Variants in TNFSF4 observed in about 807,000 individuals in gnomAD.
TNFSF4 encodes the protein tumor necrosis factor ligand superfamily member 4.
TNFSF4 carries 4 observed loss-of-function variants against 7.3 expected under a neutral mutation model. The observed-to-expected ratio is 0.55, with a 90% CI of 0.27 to 1.25. The LOEUF is 1.25. Among genes scored for constraint, TNFSF4 ranks in the 50% most tolerant of loss-of-function variants. The probability of loss-of-function intolerance (pLI) is 0.12; values close to 1 mark genes in which losing one functional copy is unlikely to be tolerated. For missense variants in TNFSF4, 181 were observed against 208.8 expected (o/e 0.87, Z 0.82); for synonymous variants, 76 against 83.7 (o/e 0.91, Z 0.50).
rs1315249179 is a variant in TNFSF4, at chr1:173,185,353, G to A, written c.*1163C>T. The A allele has an allele frequency of 2.6e-5, 4 of 152,146 alleles. No individual in the cohort carries two copies. The highest frequency in any genetic ancestry group is 5.9e-5 in the Non-Finnish European group (4 of 68,030). The allele number at this position is 152,146 out of a possible 1,614,324, so 9.4% of individuals were successfully genotyped here. On this transcript the variant is annotated 3_prime_UTR_variant, in exon 3 of 3. Coordinates refer to ENST00000281834, the MANE Select transcript of TNFSF4 (RefSeq NM_003326.5). ...GGGACATTTCAACTAAACATAAGGGGATACTATTCCATTGAAGCCCTGGCA... is the reference window on the plus strand; with the variant it reads ...GGGACATTTCAACTAAACATAAGGGAATACTATTCCATTGAAGCCCTGGCA...
chr1:173,378,834 G>A, the TNFSF4 span, among the ~76,000 whole-genome samples: 4 of 150,820 alleles, frequency 2.7e-5, no homozygotes, highest in Admixed American at 6.6e-5. Context: ...CCGCCCATAA[G>A]GAAATAAGCA....
chr1:173,299,699 G>C, the TNFSF4 span, among the ~76,000 whole-genome samples: 1 of 151,864 alleles, frequency 6.6e-6, no homozygotes, highest in African/African-American at 2.4e-5. Context: ...TGATGCATAA[G>C]AGTTATTTTT....
At chr1:173,412,898 A>G in the TNFSF4 span, among the ~76,000 whole-genome samples, 6 of 152,308 alleles carry the variant, frequency 3.9e-5, no homozygotes, top group Admixed American at 6.5e-5. Context: ...ACACTTTGCA[A>G]CAGATAAGTT....
the TNFSF4 span, among the ~76,000 whole-genome samples, chr1:173,426,746 C>T: frequency 2.0e-5 from 3 of 152,170 alleles, no homozygotes; most frequent in African/African-American, 7.2e-5. Context: ...GTACGCACCA[C>T]CACACCCAGC....
At chr1:173,270,322 G>C in the TNFSF4 span, among the ~76,000 whole-genome samples, 1 of 152,142 alleles carries the variant, frequency 6.6e-6, no homozygotes, top group Admixed American at 6.6e-5. Context: ...GGAATTGCTA[G>C]TGTAAAGGTG....
At chr1:173,393,971 AATTTC>A in the TNFSF4 span, among the ~76,000 whole-genome samples, 41 of 152,228 alleles carry the variant, frequency 2.7e-4, no homozygotes, top group Non-Finnish European at 5.3e-4. Context: ...AGTTTTATTT[AATTTC>A]ATGCCATTTT....
At chr1:173,305,911 G>T in the TNFSF4 span, among the ~76,000 whole-genome samples, 1 of 151,774 alleles carries the variant, frequency 6.6e-6, no homozygotes, top group Non-Finnish European at 1.5e-5. Context: ...TCAACACATG[G>T]GAAATACAAT....
intron 1 of TNFSF4, among the ~76,000 whole-genome samples, chr1:173,201,941 T>A (rs1649959389): frequency 6.6e-6 from 1 of 152,148 alleles, no homozygotes; most frequent in Non-Finnish European, 1.5e-5. Context: ...CAACACTGTA[T>A]GTAGCTCCTC....
At chr1:173,328,970 C>G in the TNFSF4 span, among the ~76,000 whole-genome samples, 1 of 152,146 alleles carries the variant, frequency 6.6e-6, no homozygotes, top group Non-Finnish European at 1.5e-5. Flanking sequence ...TTGAAAATTG[C>G]CTTCTATGTA....
At chr1:173,433,381 G>A in the TNFSF4 span, among the ~76,000 whole-genome samples, 1 of 152,044 alleles carries the variant, frequency 6.6e-6, no homozygotes, top group Non-Finnish European at 1.5e-5. Flanking sequence ...GAATAAATAA[G>A]TAAACAAACA....
Position 173,184,782 on chromosome 1 carries a change from A to T in TNFSF4, c.*1734T>A, listed in dbSNP as rs1649153513. 1 of 152,168 alleles carries T rather than the reference A, an allele frequency of 6.6e-6. No individual in the cohort carries two copies. Among genetic ancestry groups the T allele is most frequent in the Admixed American group, 6.5e-5 (1 of 15,280 alleles). 9.4% of individuals were successfully genotyped at this position (152,168 alleles called of 1,614,324 possible). A position where few individuals can be genotyped will look rare whatever the true frequency, so the allele number is the denominator to read the frequency against. ...GATATCATTGAATATCTGTCTCAGA[A>T]TGATTCTTGTAAATGTAAGTATTTA... On this transcript the variant is annotated 3_prime_UTR_variant, in exon 3 of 3. Transcript: ENST00000281834.
At chr1:173,429,343 T>G in the TNFSF4 span, among the ~76,000 whole-genome samples, 1 of 152,238 alleles carries the variant, frequency 6.6e-6, no homozygotes, top group African/African-American at 2.4e-5. Context: ...TTTGTCACAC[T>G]TAGACATGTG....
At chr1:173,280,294 C>T in the TNFSF4 span, among the ~76,000 whole-genome samples, 1 of 152,260 alleles carries the variant, frequency 6.6e-6, no homozygotes, top group Non-Finnish European at 1.5e-5. Context: ...TTACCAATTA[C>T]ACCAATCGTG....
At chr1:173,441,768 T>C in the TNFSF4 span, among the ~76,000 whole-genome samples, 6 of 152,222 alleles carry the variant, frequency 3.9e-5, no homozygotes, top group Admixed American at 2.6e-4. Flanking sequence ...AGAATGTGTG[T>C]TTGCATACTT....
At chr1:173,357,317 A>G in the TNFSF4 span, among the ~76,000 whole-genome samples, 1 of 152,132 alleles carries the variant, frequency 6.6e-6, no homozygotes, top group Admixed American at 6.5e-5. Context: ...GGGACACAAG[A>G]TCACAAGAGA....
the TNFSF4 span, among the ~76,000 whole-genome samples, chr1:173,275,991 T>G: frequency 6.6e-6 from 1 of 152,158 alleles, no homozygotes; most frequent in Non-Finnish European, 1.5e-5. Context: ...GCATCTTAAC[T>G]GGTTGCCGTC....
the TNFSF4 span, among the ~76,000 whole-genome samples, chr1:173,310,483 T>C: frequency 6.6e-6 from 1 of 151,936 alleles, no homozygotes; most frequent in Admixed American, 6.6e-5. Context: ...ATTGATTTTT[T>C]GCTTTAATTG....
the TNFSF4 span, among the ~76,000 whole-genome samples, chr1:173,429,665 CCGCGTGGTGG>C: frequency 6.6e-6 from 1 of 152,214 alleles, no homozygotes; most frequent in Non-Finnish European, 1.5e-5. Flanking sequence ...ACTGTGCCTG[CCGCGTGGTGG>C]CGCTTTATAA....
At chr1:173,331,809 C>T in the TNFSF4 span, among the ~76,000 whole-genome samples, 2 of 152,178 alleles carry the variant, frequency 1.3e-5, no homozygotes, top group African/African-American at 4.8e-5. Flanking sequence ...ATTTACAGAG[C>T]TATAATGCCT....
Sources: gnomAD v4.1 joint callset for allele counts (sites outside exome capture counted in the v4.1 genomes callset) on GRCh38, gnomAD v4.1.1 for gene constraint, MANE v1.5 for transcripts, NCBI Gene and HGNC (gene_info 2026-07-23, HGNC 2026-07-21) for gene names.